MGMT: variants seen among roughly 807,000 people sequenced by gnomAD.
MGMT encodes the protein O-6-methylguanine-DNA methyltransferase, also known as methylated-DNA--protein-cysteine methyltransferase.
A neutral mutation model predicts 15.9 loss-of-function variants in MGMT; 14 were observed. That is an observed-to-expected ratio of 0.88 (90% CI 0.58 to 1.37). MGMT has a LOEUF of 1.37. Among genes scored for constraint, MGMT ranks in the 40% most tolerant of loss-of-function variants. MGMT has a pLI of 0.00. For missense variants in MGMT, 282 were observed against 268.1 expected (o/e 1.05, Z -0.36); for synonymous variants, 130 against 118.2 (o/e 1.10, Z -0.65).
intron 2 of MGMT, among the ~76,000 whole-genome samples, chr10:129,663,779 T>TA (rs1259658725): frequency 6.6e-6 from 1 of 152,178 alleles, no homozygotes; most frequent in Non-Finnish European, 1.5e-5. Context: ...ATAGAAAGCT[T>TA]AAATAAACCA....
intron 2 of MGMT, chr10:129,702,006 G>A (rs575301958): frequency 6.6e-6 from 1 of 152,238 alleles, no homozygotes; most frequent in South Asian, 2.1e-4. Flanking sequence ...GGTTTGGGTT[G>A]AAGGGAAGGC....
chr10:129,684,938 T>G lies in MGMT; in HGVS notation c.126-22957T>G, dbSNP rs118005620. ...CTAGAACTTGCTGGAGGAACCAGAT[T>G]CTTTCTAAGCGATTTGCATCTTGAT... On this transcript the variant is annotated intron_variant, in intron 2 of 4. Transcript: ENST00000651593. Among the ~76,000 whole-genome samples the G allele has an allele frequency of 3.2e-3, 485 of 152,342 alleles. 3 individuals are homozygous for G. The highest frequency in any genetic ancestry group is 0.018 in the South Asian group (85 of 4,818).
intron 2 of MGMT, among the ~76,000 whole-genome samples, chr10:129,699,760 G>A (rs1427088628): frequency 3.3e-5 from 5 of 152,080 alleles, no homozygotes; most frequent in Admixed American, 1.3e-4. Context: ...CATGGAACCC[G>A]TCCTTCTCCA....
At chr10:129,530,893 C>T (rs905570519) in intron 1 of MGMT, among the ~76,000 whole-genome samples, 3 of 152,180 alleles carry the variant, frequency 2.0e-5, no homozygotes, top group African/African-American at 7.2e-5. Context: ...GTGTAGGTGT[C>T]AGTTTCTCCA....
At chr10:129,712,539 C>T (rs948189507) in intron 3 of MGMT, among the ~76,000 whole-genome samples, 1 of 152,104 alleles carries the variant, frequency 6.6e-6, no homozygotes, top group African/African-American at 2.4e-5. Flanking sequence ...TCGAATTCCT[C>T]ATTTCAAAAG....
intron 3 of MGMT, among the ~76,000 whole-genome samples, chr10:129,715,257 CT>C (rs1848280542): frequency 6.6e-6 from 1 of 152,178 alleles, no homozygotes; most frequent in Non-Finnish European, 1.5e-5. Context: ...GTGATGGCTT[CT>C]ATTAAAAATT....
In MGMT at chr10:129,501,790, G is replaced by A. The variant is rs111698708; in HGVS notation, c.-12-34451G>A. 3.4e-3 allele frequency among the ~76,000 whole-genome samples: 518 copies of A among 152,310 alleles called. 3 individuals carry two copies. The highest frequency in any genetic ancestry group is 0.012 in the African/African-American group (494 of 41,560). On this transcript the variant is annotated intron_variant, in intron 1 of 4. Coordinates refer to ENST00000651593, the MANE Select transcript of MGMT (RefSeq NM_002412.5). ...ACAAAGCCTGAATTGAGCAGCATTC[G>A]TGTCTGTGGTAGACCAGGGAGGCAG...
intron 3 of MGMT, among the ~76,000 whole-genome samples, chr10:129,732,043 G>A (rs12571103): frequency 0.24 from 36,154 of 151,998 alleles, 5,057 homozygotes; most frequent in East Asian, 0.43. Context: ...GGGTCTCAGT[G>A]ACCCCTGATG....
At position 129,637,769 on chromosome 10, in the gene MGMT, G is replaced by T. The variant is rs79577584; in HGVS notation, c.126-70126G>T. 2.6e-5 allele frequency among the ~76,000 whole-genome samples: 4 copies of T among 152,306 alleles called. No individual in the cohort carries two copies. The East Asian group carries it at 7.7e-4, about 29-fold the overall frequency. ...GGGCACAGATATACCATAGGCTTCT[G>T]TGCACAGAGATGACCATGTGAAGTG... is the stretch of plus-strand genomic sequence containing the variant. On this transcript the variant is annotated intron_variant, in intron 2 of 4. Transcript: ENST00000651593.
rs559017977 is a variant in MGMT at position 129,705,026 on chromosome 10, C to T, written c.126-2869C>T. ...TCCCCCAACAATGGAAGGCAAGCAC[C>T]GCTCCACACGAAAATAACAACACGG... On this transcript the variant is annotated intron_variant, in intron 2 of 4. Transcript: ENST00000651593. 2.6e-5 allele frequency among the ~76,000 whole-genome samples: 4 copies of T among 152,282 alleles called. No individual in the cohort carries two copies. The East Asian group carries it at 5.8e-4, about 22-fold the overall frequency.
intron 1 of MGMT, among the ~76,000 whole-genome samples, chr10:129,501,152 A>G (rs868205368): frequency 6.6e-6 from 1 of 152,230 alleles, no homozygotes; most frequent in Admixed American, 6.5e-5. Context: ...TGTCCTGGGC[A>G]GAGTTCCCTC....
intron 2 of MGMT, among the ~76,000 whole-genome samples, chr10:129,687,174 CATTT>C (rs891361006): frequency 2.6e-5 from 4 of 151,768 alleles, no homozygotes; most frequent in African/African-American, 4.8e-5. Flanking sequence ...TTTGTTTTTA[CATTT>C]ATTTTTTAAT....
rs1331104919 is a variant in MGMT, at chr10:129,732,829, T to C, written c.274+24786T>C. ...AGTGTTTGGTTTTTTGTTCTTGCGA[T>C]AGTTTACTGAGAATGATGATTTCCA... is the stretch of plus-strand genomic sequence containing the variant. On this transcript the variant is annotated intron_variant, in intron 3 of 4. Transcript: ENST00000651593. 2.0e-5 allele frequency among the ~76,000 whole-genome samples: 3 copies of C among 147,598 alleles called. No individual in the cohort carries two copies. The South Asian group carries it at 6.8e-4, about 33-fold the overall frequency.
At chr10:129,592,769 A>G (rs1403993993) in intron 2 of MGMT, among the ~76,000 whole-genome samples, 2 of 152,112 alleles carry the variant, frequency 1.3e-5, no homozygotes, top group African/African-American at 4.8e-5. Context: ...AGACAGTCTC[A>G]AAAATGTAAA....
At chr10:129,755,149 GACA>G (rs1848790687) in intron 3 of MGMT, among the ~76,000 whole-genome samples, 1 of 152,240 alleles carries the variant, frequency 6.6e-6, no homozygotes, top group East Asian at 1.9e-4. Flanking sequence ...GTTTTATAAA[GACA>G]TTCAGTAGAA....
intron 1 of MGMT, among the ~76,000 whole-genome samples, chr10:129,487,935 G>GTATA (rs1233041323): frequency 3.4e-4 from 49 of 144,224 alleles, no homozygotes; most frequent in East Asian, 1.9e-3. Flanking sequence ...GTGTGTGTGT[G>GTATA]TATATATATA....
At chr10:129,553,953 C>T (rs1846185999) in intron 2 of MGMT, among the ~76,000 whole-genome samples, 1 of 152,250 alleles carries the variant, frequency 6.6e-6, no homozygotes, top group Admixed American at 6.5e-5. Flanking sequence ...ATACAAAGAG[C>T]AGCATGAGGA....
Position 129,750,643 on chromosome 10 carries a change from A to G in MGMT, c.275-8559A>G, listed in dbSNP as rs189388165. ...GTAATCTAGAAATGATTTAAAGTCT[A>G]CAGGAGGATGTGCAAGGGTTATATG... On this transcript the variant is annotated intron_variant, in intron 3 of 4. Coordinates refer to ENST00000651593, the MANE Select transcript of MGMT (RefSeq NM_002412.5). Among the ~76,000 whole-genome samples the G allele has an allele frequency of 2.4e-4, 36 of 152,254 alleles. No homozygotes were observed. In the East Asian group the frequency reaches 2.7e-3, roughly 11 times the overall value.
chr10:129,712,146 C>T (rs972853782), intron 3 of MGMT, among the ~76,000 whole-genome samples: 3 of 152,180 alleles, frequency 2.0e-5, no homozygotes, highest in Admixed American at 6.5e-5. Flanking sequence ...CCTGAGCCCT[C>T]CCACCCATGG....
Sources: allele counts gnomAD v4.1 joint callset (sites outside exome capture counted in the v4.1 genomes callset), GRCh38; gene constraint gnomAD v4.1.1; transcripts MANE v1.5; gene names NCBI Gene and HGNC (gene_info 2026-07-23, HGNC 2026-07-21).